Variants in XRRA1 observed in about 807,000 individuals in gnomAD.
XRRA1 encodes X-ray radiation resistance associated 1.
XRRA1 carries 69 observed loss-of-function variants against 80.2 expected under a neutral mutation model. The ratio of observed to expected loss-of-function variants is 0.86; its 90% confidence interval spans 0.71 to 1.05. The LOEUF is 1.05. XRRA1 is among the 50% of genes least tolerant of loss of function. The probability of loss-of-function intolerance (pLI) is 0.00; values close to 1 mark genes in which losing one functional copy is unlikely to be tolerated. For missense variants in XRRA1, 967 were observed against 976.4 expected (o/e 0.99, Z 0.13); for synonymous variants, 348 against 389.9 (o/e 0.89, Z 1.27).
At chr11:74,915,730 T>C (rs1318218484) in intron 8 of XRRA1, among the ~76,000 whole-genome samples, 1 of 152,230 alleles carries the variant, frequency 6.6e-6, no homozygotes, top group Non-Finnish European at 1.5e-5. Context: ...GCTTTTGTAA[T>C]TGCCCATGTA....
At chr11:74,886,928 C>T (rs2049171455) in intron 10 of XRRA1, among the ~76,000 whole-genome samples, 1 of 152,192 alleles carries the variant, frequency 6.6e-6, no homozygotes, top group South Asian at 2.1e-4. Flanking sequence ...CTACAACCAT[C>T]TGATCTTTGA....
chr11:74,921,076 T>G (rs1940612036), intron 8 of XRRA1, 138 bp downstream of exon 8: 6 of 1,177,310 alleles, frequency 5.1e-6, no homozygotes, highest in Non-Finnish European at 5.9e-6. Context: ...GAGGCCTTTC[T>G]GGGAGCTTCA....
intron 3 of XRRA1, among the ~76,000 whole-genome samples, chr11:74,939,605 T>A (rs1945877122): frequency 6.6e-6 from 1 of 151,558 alleles, no homozygotes; most frequent in African/African-American, 2.4e-5. Context: ...TCAACTTGTA[T>A]TTTTTCTGCC....
intron 5 of XRRA1, 148 bp from the exon 6 acceptor site, chr11:74,930,520 T>C: frequency 1.6e-6 from 1 of 642,370 alleles, no homozygotes; most frequent in Non-Finnish European, 2.7e-6. Flanking sequence ...GACACTTGAG[T>C]GCTGTAAGGG....
chr11:74,877,142 G>GTT (rs1229349779), intron 10 of XRRA1, among the ~76,000 whole-genome samples: 1 of 152,102 alleles, frequency 6.6e-6, no homozygotes, highest in African/African-American at 2.4e-5. Context: ...TTTACAACAG[G>GTT]ATTAATAATT....
At chr11:74,846,560 A>G (rs538639777) in intron 15 of XRRA1, among the ~76,000 whole-genome samples, 1 of 152,366 alleles carries the variant, frequency 6.6e-6, no homozygotes, top group East Asian at 1.9e-4. Context: ...ACTGAATTCA[A>G]CAAGTAAAAG....
In XRRA1 at chr11:74,845,124, A is replaced by G. The variant is rs907192564; in HGVS notation, c.1876T>C (p.Tyr626His). ...GGCTTGGCTGTCAGCAGTTCTTCAT[A>G]GCCGTGGTACTTGCTGGGAAGGAAG... ...TAFLPSKYHGYEELLTAKPDP... is the reference protein window; with the variant it reads ...TAFLPSKYHGHEELLTAKPDP... The change falls in exon 16 of 19, where the codon TAT becomes CAT. Residue 626 changes from tyrosine (Y) to histidine (H), a missense_variant. Coordinates refer to ENST00000684022, the MANE Select transcript of XRRA1 (RefSeq NM_001378157.1). 6.2e-7 allele frequency: 1 copy of G among 1,614,048 alleles called. No homozygotes were observed. The highest frequency in any genetic ancestry group is 8.5e-7 in the Non-Finnish European group (1 of 1,179,904).
At chr11:74,859,823 C>T (rs2041950990) in intron 11 of XRRA1, among the ~76,000 whole-genome samples, 1 of 152,086 alleles carries the variant, frequency 6.6e-6, no homozygotes, top group Admixed American at 6.5e-5. Flanking sequence ...TAAATGACTT[C>T]AACCTGCCCG....
chr11:74,884,425 C>T (rs2048511210), intron 10 of XRRA1, among the ~76,000 whole-genome samples: 2 of 152,148 alleles, frequency 1.3e-5, no homozygotes, highest in African/African-American at 4.8e-5. Flanking sequence ...TTAGGGGTGA[C>T]CAGCTTTTCA....
intron 8 of XRRA1, chr11:74,911,483 G>A (rs1323096920): frequency 2.6e-5 from 4 of 152,142 alleles, no homozygotes; most frequent in African/African-American, 9.7e-5. Context: ...CAGGGTGGGG[G>A]AGACTTGCCT....
rs910078347 is a variant in XRRA1, at chr11:74,842,995, C to T, written c.*205G>A. ...GCCCTGTGCACCCACTCTTTATTGCCGCTGGGCCAGGCACCAGGTCATGCC... is the reference window on the plus strand; with the variant it reads ...GCCCTGTGCACCCACTCTTTATTGCTGCTGGGCCAGGCACCAGGTCATGCC... On this transcript the variant is annotated 3_prime_UTR_variant, in exon 19 of 19. Transcript: ENST00000684022. The T allele has an allele frequency of 4.9e-5, 32 of 648,980 alleles. No homozygotes were observed. Among genetic ancestry groups the T allele is most frequent in the Non-Finnish European group, 7.5e-5 (29 of 388,646 alleles). The allele number at this position is 648,980 out of a possible 1,614,324, so 40.2% of individuals were successfully genotyped here.
intron 10 of XRRA1, among the ~76,000 whole-genome samples, chr11:74,870,203 G>A (rs1484391139): frequency 3.3e-5 from 5 of 152,146 alleles, no homozygotes; most frequent in South Asian, 4.1e-4. Flanking sequence ...TGAATCCCTC[G>A]GTACCCTCAG....
intron 10 of XRRA1, among the ~76,000 whole-genome samples, chr11:74,891,961 T>C (rs1472716972): frequency 6.6e-6 from 1 of 152,186 alleles, no homozygotes; most frequent in African/African-American, 2.4e-5. Flanking sequence ...ATCAGTATTA[T>C]GAAAATGGCC....
chr11:74,913,551 A>T (rs1247834869), intron 8 of XRRA1: 1 of 152,158 alleles, frequency 6.6e-6, no homozygotes, highest in Non-Finnish European at 1.5e-5. Flanking sequence ...GGACCTATCA[A>T]ATGTTTCTTT....
At chr11:74,897,131 A>C (rs181412793) in intron 10 of XRRA1, among the ~76,000 whole-genome samples, 49 of 149,246 alleles carry the variant, frequency 3.3e-4, no homozygotes, top group Admixed American at 3.1e-3. Context: ...GATAACACAA[A>C]GAAGGAATTC....
chr11:74,883,909 T>C (rs1470930297), intron 10 of XRRA1, among the ~76,000 whole-genome samples: 4 of 152,182 alleles, frequency 2.6e-5, no homozygotes, highest in Non-Finnish European at 4.4e-5. Flanking sequence ...AGAAATTATT[T>C]TTTTCCAGCC....
Position 74,888,291 on chromosome 11 carries a change from C to T in XRRA1, c.1003+17948G>A, listed in dbSNP as rs188663647. Among the ~76,000 whole-genome samples the T allele has an allele frequency of 2.8e-3, 425 of 152,264 alleles. 2 individuals carry two copies. The Middle Eastern group carries it at 0.041, about 15-fold the overall frequency. ...ATATCTGCTGTTCTGCAGCCTCCAC[C>T]GCTGATACCCAGGCAAACAGGGTCT... On this transcript the variant is annotated intron_variant, in intron 10 of 18. Coordinates refer to ENST00000684022, the MANE Select transcript of XRRA1 (RefSeq NM_001378157.1).
chr11:74,888,691 A>G (rs943858999), intron 10 of XRRA1, among the ~76,000 whole-genome samples: 4 of 152,246 alleles, frequency 2.6e-5, no homozygotes, highest in Admixed American at 1.3e-4. Flanking sequence ...ACGAATGACT[A>G]ACTAGAATAA....
At chr11:74,855,233 T>C (rs1406974319) in intron 12 of XRRA1, among the ~76,000 whole-genome samples, 1 of 152,172 alleles carries the variant, frequency 6.6e-6, no homozygotes, top group East Asian at 1.9e-4. Context: ...GATAAATGAC[T>C]ATAATGGTGG....
Sources: allele counts gnomAD v4.1 joint callset (sites outside exome capture counted in the v4.1 genomes callset), GRCh38; gene constraint gnomAD v4.1.1; transcripts MANE v1.5; gene names NCBI Gene and HGNC (gene_info 2026-07-23, HGNC 2026-07-21).